Variants in ELAVL2 observed in about 807,000 individuals in gnomAD.
ELAVL2 encodes ELAV-like protein 2.
ELAVL2 carries 4 observed loss-of-function variants against 34.6 expected under a neutral mutation model. That is an observed-to-expected ratio of 0.12 (90% CI 0.06 to 0.26). The LOEUF (loss-of-function observed/expected upper bound fraction) is 0.26. ELAVL2 is among the 10% of genes least tolerant of loss of function. The probability of loss-of-function intolerance (pLI) is 1.00; values close to 1 mark genes in which losing one functional copy is unlikely to be tolerated. For missense variants in ELAVL2, 432 were observed against 442.8 expected (o/e 0.98, Z 0.22); for synonymous variants, 193 against 154.8 (o/e 1.25, Z -1.83).
At chr9:23,696,538 G>A (rs111694950) in intron 5 of ELAVL2, among the ~76,000 whole-genome samples, 3,445 of 152,174 alleles carry the variant, frequency 0.023, 144 homozygotes, top group African/African-American at 0.079. Flanking sequence ...GCGTGATCTC[G>A]GCTCACTGCA....
the ELAVL2 span, among the ~76,000 whole-genome samples, chr9:23,840,405 T>G: frequency 6.7e-6 from 1 of 149,426 alleles, no homozygotes; most frequent in African/African-American, 2.4e-5. Flanking sequence ...CATATGTGTA[T>G]GAAAAGCTCC....
intron 1 of ELAVL2, among the ~76,000 whole-genome samples, chr9:23,774,432 G>A (rs1163789355): frequency 6.6e-6 from 1 of 151,952 alleles, no homozygotes; most frequent in African/African-American, 2.4e-5. Context: ...TTCCTGTCCT[G>A]GACTGCTGAA....
intron 1 of ELAVL2, among the ~76,000 whole-genome samples, chr9:23,814,488 G>A (rs953354850): frequency 1.3e-5 from 2 of 152,152 alleles, no homozygotes; most frequent in African/African-American, 2.4e-5. Flanking sequence ...CTATGGAGAA[G>A]GGAAGAGATG....
intron 1 of ELAVL2, among the ~76,000 whole-genome samples, chr9:23,822,302 C>T (rs1274231120): frequency 6.6e-6 from 1 of 152,124 alleles, no homozygotes; most frequent in South Asian, 2.1e-4. Flanking sequence ...AAGGCTTAGC[C>T]CCCTGCTGCC....
intron 4 of ELAVL2, among the ~76,000 whole-genome samples, chr9:23,702,950 G>GAAAAAA (rs1164109229): frequency 1.0e-3 from 8 of 7,646 alleles, no homozygotes; most frequent in Non-Finnish European, 2.7e-3. Flanking sequence ...CATCAGATTA[G>GAAAAAA]CAAAAAAAAA....
chr9:23,809,639 T>C (rs964741817), intron 1 of ELAVL2, among the ~76,000 whole-genome samples: 1 of 152,148 alleles, frequency 6.6e-6, no homozygotes, highest in Non-Finnish European at 1.5e-5. Flanking sequence ...TTCTTTAAAT[T>C]ATTATCTCTA....
chr9:23,739,796 C>CAG (rs1022606678), intron 2 of ELAVL2, among the ~76,000 whole-genome samples: 2 of 151,808 alleles, frequency 1.3e-5, no homozygotes, highest in African/African-American at 4.8e-5. Flanking sequence ...CACACACACA[C>CAG]GCACACACCC....
chr9:23,774,455 T>C (rs2057876021), intron 1 of ELAVL2, among the ~76,000 whole-genome samples: 1 of 152,106 alleles, frequency 6.6e-6, no homozygotes, highest in African/African-American at 2.4e-5. Flanking sequence ...AGATGCTATG[T>C]TAAACTACAT....
chr9:23,746,820 G>GAAA (rs58976853), intron 2 of ELAVL2, among the ~76,000 whole-genome samples: 1 of 68,928 alleles, frequency 1.5e-5, no homozygotes. Context: ...AACTGAAAAA[G>GAAA]AAAAAAAAAA....
chr9:23,822,249 C>G (rs575518415), intron 1 of ELAVL2, among the ~76,000 whole-genome samples: 2 of 151,984 alleles, frequency 1.3e-5, no homozygotes, highest in African/African-American at 4.8e-5. Flanking sequence ...CTCTTTTTCC[C>G]CCTACTTCGC....
intron 2 of ELAVL2, among the ~76,000 whole-genome samples, chr9:23,744,159 A>G (rs952939348): frequency 6.6e-6 from 1 of 152,180 alleles, no homozygotes; most frequent in African/African-American, 2.4e-5. Flanking sequence ...AAACTGCACT[A>G]AAGGTACTCT....
chr9:23,727,075 A>T (rs118065329), intron 3 of ELAVL2, among the ~76,000 whole-genome samples: 1 of 152,088 alleles, frequency 6.6e-6, no homozygotes, highest in African/African-American at 2.4e-5. Flanking sequence ...TGAGAATCTT[A>T]AAACATTTTT....
intron 3 of ELAVL2, among the ~76,000 whole-genome samples, chr9:23,713,687 A>T (rs1233423827): frequency 6.6e-6 from 1 of 152,182 alleles, no homozygotes. Context: ...AGTAATGTGA[A>T]TAGGCTGCAA....
Position 23,692,551 on chromosome 9 carries a change from A to G in ELAVL2, c.*6T>C, listed in dbSNP as rs749567997. 1.2e-6 allele frequency: 2 copies of G among 1,607,618 alleles called. No homozygotes were observed. Among genetic ancestry groups the G allele is most frequent in the Non-Finnish European group, 1.7e-6 (2 of 1,175,360 alleles). On this transcript the variant is annotated 3_prime_UTR_variant, in exon 7 of 7. Coordinates refer to ENST00000397312, the MANE Select transcript of ELAVL2 (RefSeq NM_004432.5). Reference sequence around the variant, plus strand: ...CATATATAAATGGACTGAGGACAAGAGCTCATTAGGCTTTGTGCGTTTTGT... The same window carrying G: ...CATATATAAATGGACTGAGGACAAGGGCTCATTAGGCTTTGTGCGTTTTGT...
At chr9:23,708,329 A>C (rs75315323) in intron 3 of ELAVL2, among the ~76,000 whole-genome samples, 9 of 152,334 alleles carry the variant, frequency 5.9e-5, no homozygotes, top group Non-Finnish European at 8.8e-5. Flanking sequence ...GCCTCACAAC[A>C]ACCCCATGAG....
the ELAVL2 span, among the ~76,000 whole-genome samples, chr9:23,844,085 T>C: frequency 4.6e-5 from 7 of 152,078 alleles, no homozygotes; most frequent in African/African-American, 1.7e-4. Flanking sequence ...AAAAAGTCAG[T>C]AAGCAAAATT....
At chr9:23,706,916 C>T (rs887347066) in intron 3 of ELAVL2, among the ~76,000 whole-genome samples, 9 of 152,032 alleles carry the variant, frequency 5.9e-5, no homozygotes, top group African/African-American at 2.2e-4. Flanking sequence ...TCTTTCACAC[C>T]CCTGCCCCAA....
At chr9:23,737,954 A>G (rs901409843) in intron 2 of ELAVL2, among the ~76,000 whole-genome samples, 1 of 152,178 alleles carries the variant, frequency 6.6e-6, no homozygotes, top group South Asian at 2.1e-4. Flanking sequence ...TTGCAAAAAC[A>G]AGTTTTCGTT....
chr9:23,850,204 C>T, the ELAVL2 span, among the ~76,000 whole-genome samples: 1 of 151,666 alleles, frequency 6.6e-6, no homozygotes, highest in African/African-American at 2.4e-5. Flanking sequence ...GCCTTTTGAC[C>T]GTGGACTGGC....
Sources: allele counts gnomAD v4.1 joint callset (sites outside exome capture counted in the v4.1 genomes callset), GRCh38; gene constraint gnomAD v4.1.1; transcripts MANE v1.5; gene names NCBI Gene and HGNC (gene_info 2026-07-23, HGNC 2026-07-21).